The following ITPR1 variants were observed in gnomAD, a reference collection of about 807,000 sequenced individuals.
The protein encoded by ITPR1 is inositol 1,4,5-trisphosphate receptor type 1, also known as inositol 1,4,5-trisphosphate-gated calcium channel ITPR1.
ITPR1 carries 96 observed loss-of-function variants against 318.4 expected under a neutral mutation model. The ratio of observed to expected loss-of-function variants is 0.30; its 90% CI spans 0.26 to 0.36. The LOEUF is 0.36. ITPR1 is among the 10% of genes least tolerant of loss of function. The pLI is 1.00. For missense variants in ITPR1, 2,440 were observed against 3,460.2 expected (o/e 0.71, Z 7.40); for synonymous variants, 1,312 against 1,289.9 (o/e 1.02, Z -0.37).
chr3:4,782,580 C>T, intron 49 of ITPR1, 39 bp from the exon 50 acceptor site: 1 of 1,575,956 alleles, frequency 6.3e-7, no homozygotes, highest in Non-Finnish European at 8.6e-7. Flanking sequence ...GTGGGTCTTC[C>T]TTGAAACAGG....
chr3:4,723,678 C>G (rs1446241353), intron 40 of ITPR1, among the ~76,000 whole-genome samples: 1 of 151,534 alleles, frequency 6.6e-6, no homozygotes, highest in Non-Finnish European at 1.5e-5. Flanking sequence ...CTAGTTCCAT[C>G]TTTATTTTCT....
chr3:4,792,326 G>T (rs897572521), intron 52 of ITPR1, among the ~76,000 whole-genome samples: 1 of 152,160 alleles, frequency 6.6e-6, no homozygotes, highest in African/African-American at 2.4e-5. Context: ...TGTTGGAGGG[G>T]GGCACGTTAT....
intron 28 of ITPR1, 148 bp from the exon 29 acceptor site, chr3:4,684,133 A>G (rs2094349228): frequency 1.5e-6 from 1 of 649,306 alleles, no homozygotes; most frequent in South Asian, 1.9e-5. Context: ...CATAGCAAGT[A>G]GGTAGATGAC....
chr3:4,738,561 A>G (rs536347648), intron 44 of ITPR1, among the ~76,000 whole-genome samples: 26 of 152,282 alleles, frequency 1.7e-4, no homozygotes, highest in African/African-American at 6.3e-4. Flanking sequence ...AGGACTAACA[A>G]TGAAGTATAG....
At position 4,645,485 on chromosome 3, in the gene ITPR1, T is replaced by A. The variant is rs1234888937; in HGVS notation, c.708+15T>A. On this transcript the variant is annotated intron_variant, in intron 9 of 61. Coordinates refer to ENST00000649015, the MANE Select transcript of ITPR1 (RefSeq NM_001378452.1). ...TATTAAAGGGGGTGAGTTTGATGCT[T>A]TATGGGCTGAGCATTACTTGGCTCT... The A allele has an allele frequency of 1.9e-6, 3 of 1,608,068 alleles. No homozygotes were observed. The highest frequency in any genetic ancestry group is 2.6e-6 in the Non-Finnish European group (3 of 1,174,670).
chr3:4,770,470 G>A (rs2046115078), intron 46 of ITPR1, among the ~76,000 whole-genome samples: 1 of 152,208 alleles, frequency 6.6e-6, no homozygotes. Context: ...GGCCAGATCT[G>A]ACTCATGTTG....
chr3:4,617,899 C>T (rs2092449673), intron 4 of ITPR1, among the ~76,000 whole-genome samples: 1 of 150,728 alleles, frequency 6.6e-6, no homozygotes, highest in Non-Finnish European at 1.5e-5. Flanking sequence ...GTGGGAGGAT[C>T]ACCTGAGTCT....
At chr3:4,845,558 T>C (rs555889287) in intron 61 of ITPR1, among the ~76,000 whole-genome samples, 1 of 152,326 alleles carries the variant, frequency 6.6e-6, no homozygotes, top group African/African-American at 2.4e-5. Context: ...AAGAAATAGA[T>C]ACCGTGAATG....
intron 4 of ITPR1, among the ~76,000 whole-genome samples, chr3:4,621,227 G>C (rs112961908): frequency 6.6e-6 from 1 of 152,220 alleles, no homozygotes; most frequent in African/African-American, 2.4e-5. Flanking sequence ...CAGGAAGCAC[G>C]ATGCTGGCAT....
At chr3:4,650,181 G>A (rs2093560932) in intron 10 of ITPR1, among the ~76,000 whole-genome samples, 1 of 152,164 alleles carries the variant, frequency 6.6e-6, no homozygotes, top group African/African-American at 2.4e-5. Context: ...TAAGTCATCT[G>A]CTGCTATGAA....
At chr3:4,580,204 C>T (rs904477104) in intron 4 of ITPR1, among the ~76,000 whole-genome samples, 5 of 151,784 alleles carry the variant, frequency 3.3e-5, no homozygotes, top group African/African-American at 9.7e-5. Flanking sequence ...AGCCAGACTC[C>T]GTCTCAAAAA....
chr3:4,633,029 C>T (rs1021729156), intron 5 of ITPR1, among the ~76,000 whole-genome samples: 1 of 149,892 alleles, frequency 6.7e-6, no homozygotes, highest in African/African-American at 2.5e-5. Flanking sequence ...ACCTCCACCT[C>T]CCGGGTTCAA....
intron 4 of ITPR1, among the ~76,000 whole-genome samples, chr3:4,624,820 T>G (rs1462324338): frequency 2.6e-5 from 4 of 152,216 alleles, no homozygotes; most frequent in Non-Finnish European, 4.4e-5. Flanking sequence ...GGATAGTTAA[T>G]GTAAACTACT....
chr3:4,559,641 C>T (rs1431585603), intron 4 of ITPR1, among the ~76,000 whole-genome samples: 2 of 152,152 alleles, frequency 1.3e-5, no homozygotes, highest in Non-Finnish European at 2.9e-5. Context: ...CATTTTGCCA[C>T]ATGGAAGTAA....
At chr3:4,714,849 G>A (rs111347676) in intron 39 of ITPR1, among the ~76,000 whole-genome samples, 3,477 of 152,298 alleles carry the variant, frequency 0.023, 136 homozygotes, top group African/African-American at 0.079. Flanking sequence ...GGGGAAGAAA[G>A]GCCATGAAGA....
In ITPR1 at chr3:4,783,879, G is replaced by A. The variant is rs1271642959; in HGVS notation, c.6574G>A (p.Glu2192Lys). ...ACCTGGTGGCCAAGTGGACGGAGAT[G>A]AAGCCCTGGAGTTTTATGCCAAGCA... ...LKPGGQVDGD[E>K]ALEFYAKHTA... The change falls in exon 51 of 62, where the codon GAA becomes AAA. Residue 2192 changes from glutamate (E) to lysine (K), a missense_variant. Physicochemically the swap from Glu to Lys is moderately conservative, Grantham distance 56. Coordinates refer to ENST00000649015, the MANE Select transcript of ITPR1 (RefSeq NM_001378452.1). 6.2e-7 allele frequency: 1 copy of A among 1,610,326 alleles called. No homozygotes were observed. The highest frequency in any genetic ancestry group is 1.1e-5 in the South Asian group (1 of 89,964).
At chr3:4,605,926 A>G (rs1319002595) in intron 4 of ITPR1, among the ~76,000 whole-genome samples, 1 of 152,170 alleles carries the variant, frequency 6.6e-6, no homozygotes, top group Admixed American at 6.5e-5. Flanking sequence ...GACATCAGAC[A>G]GGAAAGAGAG....
At chr3:4,777,235 T>C (rs777394788) in intron 47 of ITPR1, 29 bp from the exon 48 acceptor site, 1 of 1,358,812 alleles carries the variant, frequency 7.4e-7, no homozygotes, top group South Asian at 1.2e-5. Flanking sequence ...CCAGCGTTTG[T>C]GTGAATGTCT....
chr3:4,666,882 C>T (rs1465484688), intron 17 of ITPR1, among the ~76,000 whole-genome samples: 2 of 152,128 alleles, frequency 1.3e-5, no homozygotes, highest in African/African-American at 4.8e-5. Flanking sequence ...GTATTTATTC[C>T]TGACCTTCTT....
Sources: gnomAD v4.1 joint callset for allele counts (sites outside exome capture counted in the v4.1 genomes callset) on GRCh38, gnomAD v4.1.1 for gene constraint, MANE v1.5 for transcripts, NCBI Gene and HGNC (gene_info 2026-07-23, HGNC 2026-07-21) for gene names.